PLD5: variants seen among roughly 807,000 people sequenced by gnomAD.
The protein encoded by PLD5 is phospholipase D family member 5.
A neutral mutation model predicts 61.1 loss-of-function variants in PLD5; 36 were observed. The ratio of observed to expected loss-of-function variants is 0.59; its 90% CI spans 0.45 to 0.78. PLD5 has a LOEUF of 0.78. PLD5 is among the 30% of genes least tolerant of loss of function. The pLI is 0.00. For missense variants in PLD5, 515 were observed against 644.4 expected (o/e 0.80, Z 2.17); for synonymous variants, 243 against 242.8 (o/e 1.00, Z -0.01).
intron 1 of PLD5, among the ~76,000 whole-genome samples, chr1:242,404,225 C>A (rs1333141659): frequency 2.0e-5 from 3 of 152,180 alleles, no homozygotes; most frequent in East Asian, 3.9e-4. Context: ...AACAGGGGGA[C>A]CTAAACTATT....
At chr1:242,186,326 G>GTGTC (rs1405341337) in intron 5 of PLD5, among the ~76,000 whole-genome samples, 6 of 152,100 alleles carry the variant, frequency 3.9e-5, no homozygotes, top group African/African-American at 9.7e-5. Flanking sequence ...GGGATTGCAA[G>GTGTC]TGTCTGCCAC....
At chr1:242,519,642 T>C (rs1053147445) in intron 1 of PLD5, among the ~76,000 whole-genome samples, 3 of 152,186 alleles carry the variant, frequency 2.0e-5, no homozygotes, top group African/African-American at 4.8e-5. Flanking sequence ...AAAGAGTTTG[T>C]CTCTGCTAGC....
intron 1 of PLD5, among the ~76,000 whole-genome samples, chr1:242,495,830 C>T (rs919938752): frequency 1.3e-5 from 2 of 152,170 alleles, no homozygotes; most frequent in Admixed American, 6.5e-5. Flanking sequence ...ATATTAGAGA[C>T]TACCATCATC....
At position 242,155,217 on chromosome 1, in the gene PLD5, G is replaced by T. The variant is rs117925580; in HGVS notation, c.736-30552C>A. ...ATATCCCCTGTATAATTTTTTTTGTGTGTCTATTTGATTCTTCTCTTTTCT... is the reference window on the plus strand; with the variant it reads ...ATATCCCCTGTATAATTTTTTTTGTTTGTCTATTTGATTCTTCTCTTTTCT... On this transcript the variant is annotated intron_variant, in intron 5 of 9. Transcript: ENST00000536534. Among the ~76,000 whole-genome samples the T allele has an allele frequency of 4.9e-4, 74 of 151,928 alleles. 1 individual carries two copies. In the East Asian group the frequency reaches 9.9e-3, roughly 20 times the overall value.
rs148942272 is a variant in PLD5, at chr1:242,280,459, A to T, written c.495+7903T>A. Among the ~76,000 whole-genome samples, 77 of 152,320 alleles carry T rather than the reference A, an allele frequency of 5.1e-4. No individual in the cohort carries two copies. The East Asian group carries it at 0.014, about 27-fold the overall frequency. ...ATTTATACGTGTTTTATTTTTCCCTATGTCCTCATTAAAAATAGACAAACT... is the reference window on the plus strand; with the variant it reads ...ATTTATACGTGTTTTATTTTTCCCTTTGTCCTCATTAAAAATAGACAAACT... On this transcript the variant is annotated intron_variant, in intron 3 of 9. Transcript: ENST00000536534.
At chr1:242,514,176 C>T (rs1669025908) in intron 1 of PLD5, among the ~76,000 whole-genome samples, 1 of 152,200 alleles carries the variant, frequency 6.6e-6, no homozygotes, top group African/African-American at 2.4e-5. Context: ...GCCCATTAAT[C>T]TACCATTGTG....
intron 2 of PLD5, among the ~76,000 whole-genome samples, chr1:242,322,538 T>C (rs532939643): frequency 2.6e-5 from 4 of 152,350 alleles, no homozygotes; most frequent in African/African-American, 9.6e-5. Flanking sequence ...TGATATGGTT[T>C]GGTTCTGTGT....
intron 5 of PLD5, among the ~76,000 whole-genome samples, chr1:242,178,893 C>T (rs938910605): frequency 1.1e-4 from 17 of 152,234 alleles, no homozygotes; most frequent in Admixed American, 7.2e-4. Flanking sequence ...TGCTGTGGGA[C>T]GGAAAACAAT....
intron 1 of PLD5, among the ~76,000 whole-genome samples, chr1:242,385,980 A>C (rs1350572784): frequency 6.6e-6 from 1 of 152,174 alleles, no homozygotes; most frequent in Non-Finnish European, 1.5e-5. Context: ...GGACCAAGGC[A>C]TTGACCAGGT....
intron 5 of PLD5, among the ~76,000 whole-genome samples, chr1:242,212,754 T>C (rs541614978): frequency 1.6e-4 from 25 of 152,244 alleles, no homozygotes; most frequent in Non-Finnish European, 3.1e-4. Flanking sequence ...TGTGTGCTCC[T>C]TATGTACAAG....
chr1:242,412,130 G>C (rs1457211811), intron 1 of PLD5, among the ~76,000 whole-genome samples: 1 of 152,076 alleles, frequency 6.6e-6, no homozygotes, highest in Non-Finnish European at 1.5e-5. Context: ...TTCTCTACTT[G>C]GGAAGATAAG....
At chr1:242,489,447 G>A (rs1668070040) in intron 1 of PLD5, among the ~76,000 whole-genome samples, 1 of 151,882 alleles carries the variant, frequency 6.6e-6, no homozygotes, top group African/African-American at 2.4e-5. Flanking sequence ...GAGAGACAGA[G>A]GAAGGACAGG....
chr1:242,227,860 A>G (rs903628992), intron 4 of PLD5, among the ~76,000 whole-genome samples: 1 of 152,192 alleles, frequency 6.6e-6, no homozygotes, highest in African/African-American at 2.4e-5. Flanking sequence ...TTGATTAGAA[A>G]CAATTCACAG....
intron 1 of PLD5, among the ~76,000 whole-genome samples, chr1:242,448,555 A>C (rs1288581449): frequency 6.6e-6 from 1 of 152,208 alleles, no homozygotes; most frequent in East Asian, 1.9e-4. Context: ...CATTGTTGCA[A>C]GCCAGTTCTT....
At chr1:242,205,735 C>T (rs1208229403) in intron 5 of PLD5, among the ~76,000 whole-genome samples, 2 of 152,156 alleles carry the variant, frequency 1.3e-5, no homozygotes, top group Admixed American at 6.6e-5. Context: ...TTTCAAAACT[C>T]GTAAATCCTG....
At chr1:242,339,223 C>A (rs1659699095) in intron 2 of PLD5, among the ~76,000 whole-genome samples, 1 of 152,042 alleles carries the variant, frequency 6.6e-6, no homozygotes, top group Admixed American at 6.6e-5. Flanking sequence ...AAAAAGGTAT[C>A]CGCTCAGCCA....
chr1:242,150,680 T>C (rs1043260301), intron 5 of PLD5, among the ~76,000 whole-genome samples: 8 of 151,894 alleles, frequency 5.3e-5, no homozygotes, highest in African/African-American at 1.7e-4. Context: ...TTTTCATTTT[T>C]AGCCTATTTA....
At chr1:242,276,789 C>T (rs544068722) in intron 3 of PLD5, among the ~76,000 whole-genome samples, 7 of 152,050 alleles carry the variant, frequency 4.6e-5, no homozygotes, top group East Asian at 3.9e-4. Context: ...GAGTATCTGG[C>T]GTGGAGGCAT....
chr1:242,125,863 A>G (rs916872364), intron 5 of PLD5, among the ~76,000 whole-genome samples: 3 of 152,158 alleles, frequency 2.0e-5, no homozygotes, highest in Admixed American at 6.5e-5. Context: ...CTCTGTACAG[A>G]TCTGTCATCG....
Sources: gnomAD v4.1 joint callset for allele counts (sites outside exome capture counted in the v4.1 genomes callset) on GRCh38, gnomAD v4.1.1 for gene constraint, MANE v1.5 for transcripts, NCBI Gene and HGNC (gene_info 2026-07-23, HGNC 2026-07-21) for gene names.